STT3A: variants seen among roughly 807,000 people sequenced by gnomAD.
STT3A encodes STT3 oligosaccharyltransferase complex catalytic subunit A.
Under a neutral mutation model 89.2 loss-of-function variants are expected in STT3A, and 34 were observed. The ratio of observed to expected loss-of-function variants is 0.38; its 90% CI spans 0.29 to 0.51. The LOEUF is 0.51. Ranked by LOEUF, STT3A falls within the 20% of genes least tolerant of loss-of-function variation. The pLI, the probability that STT3A is intolerant of heterozygous loss-of-function variation, is 0.89. For missense variants in STT3A, 555 were observed against 889.5 expected, an observed-to-expected ratio of 0.62 and a Z score of 4.78; for synonymous variants, 282 against 310.3, an observed-to-expected ratio of 0.91 and a Z score of 0.96.
chr11:125,615,409 T>C (rs1940149575), intron 15 of STT3A, among the ~76,000 whole-genome samples: 1 of 152,200 alleles, frequency 6.6e-6, no homozygotes, highest in Non-Finnish European at 1.5e-5. Flanking sequence ...TATTTCTAAA[T>C]ACTGTGTATA....
chr11:125,621,057 T>A lies in STT3A; in HGVS notation c.*247T>A, dbSNP rs1325718493. On this transcript the variant is annotated 3_prime_UTR_variant, in exon 18 of 18. Coordinates refer to ENST00000392708, the MANE Select transcript of STT3A (RefSeq NM_152713.5). ...GGTCAATTAAAGGGGGGAATTTTTT[T>A]AAAAAATGTGCCTTATTTGTTTTGA... The A allele has an allele frequency of 6.6e-5, 26 of 393,694 alleles. No individual in the cohort carries two copies. The highest frequency in any genetic ancestry group is 6.7e-4 in the Middle Eastern group (1 of 1,500). 24.4% of individuals were successfully genotyped at this position (393,694 alleles called of 1,614,324 possible).
In STT3A at chr11:125,614,040, A is replaced by G. The variant is rs1225183815; in HGVS notation, c.1555-47A>G. The G allele has an allele frequency of 3.2e-6, 5 of 1,552,410 alleles. No individual in the cohort carries two copies. The highest frequency in any genetic ancestry group is 1.4e-5 in the African/African-American group (1 of 72,638). ...GCCTTCTCTGTTGCATTTGATTTTT[A>G]GAGACAGTGAGAAGCTTGTTATTTC... On this transcript the variant is annotated intron_variant, in intron 13 of 17. Transcript: ENST00000392708. This position sits in a 1 kb window ranked among gnomAD's most constrained non-coding sequence, Gnocchi z 4.9.
intron 8 of STT3A, among the ~76,000 whole-genome samples, chr11:125,606,786 C>G (rs1161400490): frequency 6.6e-6 from 1 of 152,018 alleles, no homozygotes; most frequent in Non-Finnish European, 1.5e-5. Flanking sequence ...TGCAGATGAC[C>G]CCATGTAGTA....
rs58579660 is a variant in STT3A at position 125,602,453 on chromosome 11, TA to T, written c.271+39del. 2.8e-4 allele frequency: 366 copies of T among 1,305,414 alleles called. 1 individual carries two copies. The highest frequency in any genetic ancestry group is 1.6e-3 in the South Asian group (100 of 64,200). The allele number at this position is 1,305,414 out of a possible 1,614,324, so 80.9% of individuals were successfully genotyped here. A position where few individuals can be genotyped will look rare whatever the true frequency, so the allele number is the denominator to read the frequency against. ...AGGAGACCAGATGTGTTTTTTTTTT[TA>T]AAAAAAAAACAGAAATATTTGTATG... On this transcript the variant is annotated intron_variant, in intron 4 of 17. Coordinates refer to ENST00000392708, the MANE Select transcript of STT3A (RefSeq NM_152713.5).
rs534835452 is a variant in STT3A, at chr11:125,614,033, G to C, written c.1555-54G>C. ...CAAAGATGCCTTCTCTGTTGCATTT[G>C]ATTTTTAGAGACAGTGAGAAGCTTG... On this transcript the variant is annotated intron_variant, in intron 13 of 17. Transcript: ENST00000392708. The surrounding 1 kb of genome is among the most constrained non-coding windows in gnomAD (Gnocchi z 4.9). 6.4e-5 allele frequency: 98 copies of C among 1,532,766 alleles called. No homozygotes were observed. Among genetic ancestry groups the C allele is most frequent in the Middle Eastern group, 1.7e-4 (1 of 5,898 alleles). The allele number at this position is 1,532,766 out of a possible 1,614,324, so 94.9% of individuals were successfully genotyped here.
chr11:125,592,124 G>A (rs1939314335), upstream of STT3A, among the ~76,000 whole-genome samples: 1 of 152,206 alleles, frequency 6.6e-6, no homozygotes, highest in South Asian at 2.1e-4. Flanking sequence ...GGAGGGCTGT[G>A]CCTCCGCGGC....
chr11:125,608,061 AC>A (rs747394130), intron 8 of STT3A, 47 bp from the exon 9 acceptor site: 27 of 1,527,450 alleles, frequency 1.8e-5, no homozygotes, highest in Non-Finnish European at 2.4e-5. Flanking sequence ...CACTGGACTT[AC>A]TCATTTTTTT....
In STT3A at chr11:125,602,872, A is replaced by G. The variant is rs760936192; in HGVS notation, c.341A>G (p.Asn114Ser). ...TTCCACATCACCATCGACATTCGGA[A>G]TGTCTGTGTGTTCCTGGCCCCTCTC... ...HFFHITIDIR[N>S]VCVFLAPLFS... Residue 114 changes from asparagine to serine, a missense_variant, in exon 5 of 18, where the codon AAT (asparagine) becomes AGT (serine). By Grantham distance (46) the Asn-to-Ser change is conservative (BLOSUM62 1). Coordinates refer to ENST00000392708, the MANE Select transcript of STT3A (RefSeq NM_152713.5). 1.2e-6 allele frequency: 2 copies of G among 1,614,128 alleles called. No individual in the cohort carries two copies. The highest frequency in any genetic ancestry group is 2.2e-5 in the South Asian group (2 of 91,084).
At chr11:125,612,282 AAGAG>A (rs959158522) in intron 11 of STT3A, among the ~76,000 whole-genome samples, 4 of 152,184 alleles carry the variant, frequency 2.6e-5, no homozygotes, top group Non-Finnish European at 5.9e-5. Context: ...GACAAGAAAA[AAGAG>A]AGGAGAGATT....
chr11:125,619,271 G>C (rs940972915), intron 16 of STT3A, among the ~76,000 whole-genome samples: 7 of 151,612 alleles, frequency 4.6e-5, no homozygotes, highest in Non-Finnish European at 7.4e-5. Flanking sequence ...TGTTGGCCAG[G>C]CTGGTCTCGA....
Position 125,614,524 on chromosome 11 carries a change from G to C in STT3A, c.1774+98G>C, listed in dbSNP as rs1940118703. The stretch of plus-strand genomic sequence containing the variant: ...TGTACTTTTACTAATATTTTACTAA[G>C]ATATTTTTCTTTCATGGGAAGTTCC... On this transcript the variant is annotated intron_variant, in intron 15 of 17. Transcript: ENST00000392708. The surrounding 1 kb of genome is among the most constrained non-coding windows in gnomAD (Gnocchi z 4.9). 1 of 1,211,894 alleles carries C rather than the reference G, an allele frequency of 8.3e-7. No homozygotes were observed. Among genetic ancestry groups the C allele is most frequent in the Admixed American group, 2.4e-5 (1 of 42,282 alleles). The allele number at this position is 1,211,894 out of a possible 1,614,324, so 75.1% of individuals were successfully genotyped here. A position where few individuals can be genotyped will look rare whatever the true frequency, so the allele number is the denominator to read the frequency against.
chr11:125,602,442 G>GTTT lies in STT3A; in HGVS notation c.271+27_271+29dup. On this transcript the variant is annotated intron_variant, in intron 4 of 17. Transcript: ENST00000392708. ...TTACCCAGGTGAGGAGACCAGATGT[G>GTTT]TTTTTTTTTTTAAAAAAAAAACAGA... 2 of 1,267,832 alleles carry GTTT rather than the reference G, an allele frequency of 1.6e-6. No individual in the cohort carries two copies. The highest frequency in any genetic ancestry group is 1.6e-5 in the South Asian group (1 of 64,302). The allele number at this position is 1,267,832 out of a possible 1,614,324, so 78.5% of individuals were successfully genotyped here.
At chr11:125,596,073 C>T (rs186728672) in intron 2 of STT3A, 70 bp downstream of exon 2, 3 of 1,196,828 alleles carry the variant, frequency 2.5e-6, no homozygotes, top group East Asian at 2.4e-5. Flanking sequence ...AATTGAAAAT[C>T]GCTATCTTAA....
At chr11:125,619,176 A>T (rs1940270359) in intron 16 of STT3A, among the ~76,000 whole-genome samples, 1 of 150,812 alleles carries the variant, frequency 6.6e-6, no homozygotes, top group Non-Finnish European at 1.5e-5. Flanking sequence ...CAGCCTCCCG[A>T]GTAGCTAGAA....
In STT3A at chr11:125,613,911, TA is replaced by T; in HGVS notation, c.1555-173del. 1.7e-6 allele frequency: 1 copy of T among 598,878 alleles called. No homozygotes were observed. Among genetic ancestry groups the T allele is most frequent in the Non-Finnish European group, 3.0e-6 (1 of 332,376 alleles). The allele number at this position is 598,878 out of a possible 1,614,324, so 37.1% of individuals were successfully genotyped here. On this transcript the variant is annotated intron_variant, in intron 13 of 17. Transcript: ENST00000392708. The surrounding 1 kb of genome is among the most constrained non-coding windows in gnomAD (Gnocchi z 4.2). ...TGTGCTGAGATTTTATAATTGTATA[TA>T]AATGGAAGACCAGGTGCCAGGATTT...
chr11:125,594,695 C>T (rs1220934168), intron 1 of STT3A, among the ~76,000 whole-genome samples: 1 of 151,928 alleles, frequency 6.6e-6, no homozygotes, highest in Non-Finnish European at 1.5e-5. Flanking sequence ...ATGTGATTTC[C>T]ATTTTGAACT....
At chr11:125,609,682 C>T (rs546774960) in intron 10 of STT3A, 93 bp downstream of exon 10, 1 of 1,504,800 alleles carries the variant, frequency 6.6e-7, no homozygotes, top group East Asian at 2.3e-5. Flanking sequence ...TTTTGTTTTT[C>T]TTTGCCTGTT....
At chr11:125,611,594 A>G in intron 11 of STT3A, 75 bp downstream of exon 11, 1 of 1,335,012 alleles carries the variant, frequency 7.5e-7, no homozygotes, top group South Asian at 1.2e-5. Context: ...GGCAGAATTC[A>G]GAAAGTACTG....
chr11:125,600,003 A>T (rs1335665459), intron 3 of STT3A, among the ~76,000 whole-genome samples: 3 of 151,756 alleles, frequency 2.0e-5, no homozygotes, highest in Non-Finnish European at 4.4e-5. Context: ...TGCTGGGATA[A>T]CAGGCATTAA....
Sources: allele counts gnomAD v4.1 joint callset (sites outside exome capture counted in the v4.1 genomes callset), GRCh38; gene constraint gnomAD v4.1.1; non-coding constraint Gnocchi (gnomAD v3.1); transcripts MANE v1.5; gene names NCBI Gene and HGNC (gene_info 2026-07-23, HGNC 2026-07-21).